Variants in VPS37A observed in about 807,000 individuals in gnomAD.
VPS37A encodes vacuolar protein sorting-associated protein 37A.
In VPS37A, 30 loss-of-function variants were observed where a neutral mutation model predicts 49.8. That is an observed-to-expected ratio of 0.60 (90% confidence interval 0.45 to 0.82). The LOEUF (loss-of-function observed/expected upper bound fraction) is 0.82, where lower values mean the gene tolerates loss of function less well. VPS37A is among the 40% of genes least tolerant of loss of function. VPS37A has a pLI of 0.00. For synonymous variants in VPS37A, 195 were observed against 160.6 expected, an observed-to-expected ratio of 1.21 and a Z score of -1.62; for missense variants, 593 against 464.4, an observed-to-expected ratio of 1.28 and a Z score of -2.55.
At chr8:17,320,866 G>C in the VPS37A span, among the ~76,000 whole-genome samples, 1 of 152,188 alleles carries the variant, frequency 6.6e-6, no homozygotes, top group Non-Finnish European at 1.5e-5. Context: ...CTGCTGTTTG[G>C]GCTTTCTGTC....
chr8:17,284,422 GAGTTCTTGTGAGT>G, intron 9 of VPS37A, 38 bp from the exon 10 acceptor site: 12 of 1,521,006 alleles, frequency 7.9e-6, no homozygotes, highest in Non-Finnish European at 1.0e-5. Flanking sequence ...TCCCTGTGAG[GAGTTCTTGTGAGT>G]ATCATAAATT....
Position 17,296,262 on chromosome 8 carries a change from G to T in VPS37A, c.*1276G>T, listed in dbSNP as rs537582175. 1 of 152,246 alleles carries T rather than the reference G, an allele frequency of 6.6e-6. No homozygotes were observed. The highest frequency in any genetic ancestry group is 2.1e-4 in the South Asian group (1 of 4,820). 9.4% of individuals were successfully genotyped at this position (152,246 alleles called of 1,614,324 possible). A position where few individuals can be genotyped will look rare whatever the true frequency, so the allele number is the denominator to read the frequency against. On this transcript the variant is annotated 3_prime_UTR_variant, in exon 12 of 12. Coordinates refer to ENST00000324849, the MANE Select transcript of VPS37A (RefSeq NM_152415.3). Reference sequence around the variant, plus strand: ...TATTTAGTCTGTTTGTGGAGGGCAGGTATTCACGTGGACTGAGATACAATG... The same window carrying T: ...TATTTAGTCTGTTTGTGGAGGGCAGTTATTCACGTGGACTGAGATACAATG...
chr8:17,282,334 A>G (rs1189004965), intron 9 of VPS37A, among the ~76,000 whole-genome samples: 1 of 152,174 alleles, frequency 6.6e-6, no homozygotes, highest in Non-Finnish European at 1.5e-5. Flanking sequence ...TCATTGTATC[A>G]TACAATACAC....
chr8:17,268,911 G>C lies in VPS37A; in HGVS notation c.371G>C (p.Trp124Ser). Residue 124 changes from tryptophan to serine, a missense_variant, in exon 4 of 12, where the codon TGG (tryptophan) becomes TCG (serine). Coordinates refer to ENST00000324849, the MANE Select transcript of VPS37A (RefSeq NM_152415.3). The part of the protein sequence containing the change: ...KIIQSLLDEF[W>S]KNPPVLAPTS... Reference sequence around the variant, plus strand: ...ATTCAGAGTCTGTTGGATGAGTTTTGGAAGAATCCTCCAGTTTTAGCTCCT... The same window carrying C: ...ATTCAGAGTCTGTTGGATGAGTTTTCGAAGAATCCTCCAGTTTTAGCTCCT... 1 of 1,610,398 alleles carries C rather than the reference G, an allele frequency of 6.2e-7. No homozygotes were observed.
the VPS37A span, among the ~76,000 whole-genome samples, chr8:17,320,817 T>G: frequency 6.6e-6 from 1 of 152,196 alleles, no homozygotes; most frequent in Admixed American, 6.5e-5. Context: ...CATGGCAAAT[T>G]CCAGCACCCT....
the VPS37A span, among the ~76,000 whole-genome samples, chr8:17,312,312 C>A: frequency 6.6e-6 from 1 of 152,098 alleles, no homozygotes; most frequent in Admixed American, 6.6e-5. Flanking sequence ...CAGTGGCTCA[C>A]GCATGTAATC....
At position 17,277,001 on chromosome 8, in the gene VPS37A, G is replaced by A. The variant is rs1040058951; in HGVS notation, c.713+534G>A. Among the ~76,000 whole-genome samples, 4 of 152,106 alleles carry A rather than the reference G, an allele frequency of 2.6e-5. No individual in the cohort carries two copies. In the South Asian group the frequency reaches 8.3e-4, roughly 31 times the overall value. On this transcript the variant is annotated intron_variant, in intron 6 of 11. Transcript: ENST00000324849. Reference sequence around the variant, plus strand: ...GAAGAAAATGGTTTTTTGCCATTCAGTTTTGGGAAGCACTGCACCCTTTAT... The same window carrying A: ...GAAGAAAATGGTTTTTTGCCATTCAATTTTGGGAAGCACTGCACCCTTTAT...
chr8:17,280,242 A>G lies in VPS37A; in HGVS notation c.845A>G (p.Lys282Arg), dbSNP rs749759091. 2.5e-6 allele frequency: 4 copies of G among 1,612,608 alleles called. No homozygotes were observed. The highest frequency in any genetic ancestry group is 3.4e-6 in the Non-Finnish European group (4 of 1,179,304). Reference protein sequence around the residue: ...LVKSIEELARKNLLLEPSLEA... With the variant: ...LVKSIEELARRNLLLEPSLEA... ...AAACTAGAGATTTATCTTACAGGAA[A>G]AAATCTCCTTTTGGAGCCCAGCTTG... Residue 282 changes from lysine to arginine, a missense_variant, in exon 8 of 12, where the codon AAA (lysine) becomes AGA (arginine). Transcript: ENST00000324849.
chr8:17,288,058 A>G (rs907498431), intron 11 of VPS37A, among the ~76,000 whole-genome samples: 9 of 152,172 alleles, frequency 5.9e-5, no homozygotes, highest in African/African-American at 2.2e-4. Flanking sequence ...TTTCCAAATC[A>G]TACTATAAAT....
downstream of VPS37A, chr8:17,299,498 A>T (rs1310638586): frequency 2.7e-5 from 5 of 186,212 alleles, no homozygotes; most frequent in Admixed American, 5.3e-5. Flanking sequence ...AATCATGATG[A>T]TCACAGATGT....
At chr8:17,302,178 C>T, downstream of VPS37A, 1 of 1,614,122 alleles carries the variant, frequency 6.2e-7, no homozygotes, top group Non-Finnish European at 8.5e-7. Flanking sequence ...CTAGTTCTTC[C>T]TCTAGCTGCT....
chr8:17,315,706 G>GA, the VPS37A span, among the ~76,000 whole-genome samples: 144 of 149,742 alleles, frequency 9.6e-4, 1 homozygote, highest in Middle Eastern at 3.5e-3. Flanking sequence ...TGTCTCTTAA[G>GA]AAAAAAAAAC....
chr8:17,290,996 G>A (rs576515093), intron 11 of VPS37A, among the ~76,000 whole-genome samples: 1 of 152,162 alleles, frequency 6.6e-6, no homozygotes, highest in African/African-American at 2.4e-5. Flanking sequence ...ATTTCTGTGG[G>A]ATCGGTGGTG....
At chr8:17,262,525 G>T (rs1305431989) in intron 1 of VPS37A, among the ~76,000 whole-genome samples, 2 of 151,858 alleles carry the variant, frequency 1.3e-5, no homozygotes, top group African/African-American at 4.8e-5. Flanking sequence ...TAATTTGCAG[G>T]TCATTTAAAT....
At chr8:17,277,847 A>G (rs779258700) in intron 6 of VPS37A, among the ~76,000 whole-genome samples, 1 of 143,426 alleles carries the variant, frequency 7.0e-6, no homozygotes, top group Admixed American at 7.1e-5. Flanking sequence ...TTTCTCCCCA[A>G]CTTTTCTCTT....
At chr8:17,298,343 C>T (rs1816875451), downstream of VPS37A, 1 of 152,092 alleles carries the variant, frequency 6.6e-6, no homozygotes, top group East Asian at 1.9e-4. Context: ...ATTAATTACA[C>T]TTGCTTTATT....
At chr8:17,305,905 A>G, downstream of VPS37A, 2 of 1,613,834 alleles carry the variant, frequency 1.2e-6, no homozygotes, top group Non-Finnish European at 1.7e-6. Flanking sequence ...CACTCAATGA[A>G]CTGGTCAATA....
chr8:17,271,152 C>G (rs752565946), intron 4 of VPS37A, among the ~76,000 whole-genome samples: 7 of 152,202 alleles, frequency 4.6e-5, no homozygotes, highest in Non-Finnish European at 8.8e-5. Flanking sequence ...GTTCTGCCTT[C>G]TGTGTCATAA....
At chr8:17,310,252 TAA>T in the VPS37A span, among the ~76,000 whole-genome samples, 1 of 151,972 alleles carries the variant, frequency 6.6e-6, no homozygotes, top group African/African-American at 2.4e-5. Context: ...CCTCCCTCCT[TAA>T]CCTCCCAAAA....
Sources: gnomAD v4.1 joint callset for allele counts (sites outside exome capture counted in the v4.1 genomes callset) on GRCh38, gnomAD v4.1.1 for gene constraint, MANE v1.5 for transcripts, NCBI Gene and HGNC (gene_info 2026-07-23, HGNC 2026-07-21) for gene names.